Variants in KLRD1 observed in about 807,000 individuals in gnomAD.
KLRD1 encodes the protein killer cell lectin like receptor D1, also known as natural killer cells antigen CD94.
In KLRD1, 21 loss-of-function variants were observed where a neutral mutation model predicts 22.6. The ratio of observed to expected loss-of-function variants is 0.93; its 90% CI spans 0.66 to 1.34. KLRD1 has a LOEUF of 1.34. Among genes scored for constraint, KLRD1 ranks in the 40% most tolerant of loss-of-function variants. KLRD1 has a pLI of 0.00. For synonymous variants in KLRD1, 59 were observed against 71.1 expected (o/e 0.83, Z 0.85); for missense variants, 183 against 208.6 (o/e 0.88, Z 0.76).
chr12:10,268,155 G>C (rs951330571), intron 1 of KLRD1, among the ~76,000 whole-genome samples: 1 of 152,226 alleles, frequency 6.6e-6, no homozygotes, highest in African/African-American at 2.4e-5. Flanking sequence ...AGTAGACAGA[G>C]AGGGAGATTA....
At chr12:10,290,380 A>G (rs1257867446) in intron 1 of KLRD1, among the ~76,000 whole-genome samples, 1 of 152,234 alleles carries the variant, frequency 6.6e-6, no homozygotes, top group African/African-American at 2.4e-5. Flanking sequence ...GAAGCTGGCT[A>G]TTTAATTTAA....
chr12:10,272,071 A>G (rs377403422), intron 1 of KLRD1, among the ~76,000 whole-genome samples: 4 of 152,320 alleles, frequency 2.6e-5, no homozygotes, highest in Admixed American at 6.5e-5. Flanking sequence ...GGGCATTAGC[A>G]TCTGCAGTAA....
chr12:10,285,899 G>A (rs1002059525), intron 1 of KLRD1, among the ~76,000 whole-genome samples: 1 of 152,184 alleles, frequency 6.6e-6, no homozygotes, highest in African/African-American at 2.4e-5. Context: ...CTAGTGATCA[G>A]CCACATCCAT....
chr12:10,302,769 C>T (rs76975516), upstream of KLRD1, among the ~76,000 whole-genome samples: 2,537 of 145,354 alleles, frequency 0.017, 68 homozygotes, highest in African/African-American at 0.063. Context: ...CTGAAAAACA[C>T]CTCAAAAAAA....
At chr12:10,275,887 T>C (rs895279384) in intron 1 of KLRD1, among the ~76,000 whole-genome samples, 1 of 152,174 alleles carries the variant, frequency 6.6e-6, no homozygotes, top group African/African-American at 2.4e-5. Flanking sequence ...AAGATAGATA[T>C]TACCACACCC....
At position 10,325,155 on chromosome 12, in the gene KLRD1, C is replaced by T. The variant is rs1592105141; in HGVS notation, c.*10362C>T. On this transcript the variant is annotated 3_prime_UTR_variant, in exon 6 of 6. Coordinates refer to ENST00000336164, the MANE Select transcript of KLRD1 (RefSeq NM_002262.5). ...TTAGCTGTAGGATTTTCATAAATGA[C>T]CTTTACTAGGTTGAGAAAGTTCCCT... 6.6e-6 allele frequency: 1 copy of T among 151,786 alleles called. No homozygotes were observed. Among genetic ancestry groups the T allele is most frequent in the African/African-American group, 2.4e-5 (1 of 41,338 alleles). 9.4% of individuals were successfully genotyped at this position (151,786 alleles called of 1,614,324 possible).
At chr12:10,249,737 A>G (rs913713930) in intron 1 of KLRD1, among the ~76,000 whole-genome samples, 1 of 152,212 alleles carries the variant, frequency 6.6e-6, no homozygotes, top group African/African-American at 2.4e-5. Flanking sequence ...GAACAAAATA[A>G]TGAATCTCAC....
At chr12:10,308,421 A>G (rs1221603865) in intron 1 of KLRD1, 3 of 284,218 alleles carry the variant, frequency 1.1e-5, no homozygotes, top group Non-Finnish European at 2.0e-5. Context: ...TAATGACACA[A>G]TGCTGAAAAG....
At chr12:10,310,892 C>A (rs750311203) in intron 3 of KLRD1, among the ~76,000 whole-genome samples, 12 of 152,182 alleles carry the variant, frequency 7.9e-5, no homozygotes, top group Non-Finnish European at 1.8e-4. Context: ...CCGTGGGTAA[C>A]AAACGTTGAA....
At chr12:10,249,981 A>G (rs1949329879) in intron 1 of KLRD1, among the ~76,000 whole-genome samples, 1 of 152,160 alleles carries the variant, frequency 6.6e-6, no homozygotes, top group African/African-American at 2.4e-5. Context: ...TGAGGAGTAT[A>G]GTAGTCCTTT....
upstream of KLRD1, among the ~76,000 whole-genome samples, chr12:10,300,308 C>T (rs143008858): frequency 6.6e-6 from 1 of 152,280 alleles, no homozygotes; most frequent in Non-Finnish European, 1.5e-5. Flanking sequence ...AATGACTCCT[C>T]AATTCAAGGG....
chr12:10,242,827 C>T (rs1311141062), intron 1 of KLRD1, among the ~76,000 whole-genome samples: 1 of 152,104 alleles, frequency 6.6e-6, no homozygotes, highest in Non-Finnish European at 1.5e-5. Flanking sequence ...TCCTGTTGTC[C>T]ATTTGCATGT....
intron 1 of KLRD1, among the ~76,000 whole-genome samples, chr12:10,243,028 AC>A (rs1949255580): frequency 1.3e-5 from 2 of 152,166 alleles, no homozygotes; most frequent in Non-Finnish European, 2.9e-5. Flanking sequence ...TAAGCCAAGC[AC>A]AGAAAGACAA....
intron 1 of KLRD1, among the ~76,000 whole-genome samples, chr12:10,239,261 T>C (rs550983269): frequency 1.2e-4 from 18 of 152,246 alleles, no homozygotes; most frequent in African/African-American, 4.1e-4. Context: ...CAAACAAACT[T>C]GTATAATTAA....
In KLRD1 at chr12:10,314,764, C is replaced by T. The variant is rs781608711; in HGVS notation, c.511C>T (p.Arg171Cys). 11 of 1,605,242 alleles carry T rather than the reference C, an allele frequency of 6.9e-6. No homozygotes were observed. The highest frequency in any genetic ancestry group is 6.8e-5 in the Admixed American group (4 of 58,588). The change falls in exon 6 of 6, where the codon CGT (arginine) becomes TGT (cysteine). Residue 171 changes from arginine (R) to cysteine (C), a missense_variant. By Grantham distance (180) the Arg-to-Cys change is radical. Coordinates refer to ENST00000336164, the MANE Select transcript of KLRD1 (RefSeq NM_002262.5). ...ALDESCEDKN[R>C]YICKQQLI ...AGATGAATCCTGTGAAGATAAAAAT[C>T]GTTATATCTGTAAGCAACAGCTCAT...
intron 1 of KLRD1, among the ~76,000 whole-genome samples, chr12:10,257,147 T>TC (rs1458126981): frequency 5.9e-4 from 88 of 150,136 alleles, no homozygotes; most frequent in Non-Finnish European, 9.8e-4. Context: ...TTCTTTTTTT[T>TC]TTTTTTTTTT....
chr12:10,314,922 A>G lies in KLRD1; in HGVS notation c.*129A>G. 1.2e-6 allele frequency: 1 copy of G among 818,186 alleles called. No homozygotes were observed. Among genetic ancestry groups the G allele is most frequent in the Non-Finnish European group, 1.9e-6 (1 of 533,570 alleles). 50.7% of individuals were successfully genotyped at this position (818,186 alleles called of 1,614,324 possible). A position where few individuals can be genotyped will look rare whatever the true frequency, so the allele number is the denominator to read the frequency against. ...AAAATGTTTTTAAACAGTGTCATATACAATTGTCATGTATGTGAAACAATG... is the reference window on the plus strand; with the variant it reads ...AAAATGTTTTTAAACAGTGTCATATGCAATTGTCATGTATGTGAAACAATG... On this transcript the variant is annotated 3_prime_UTR_variant, in exon 6 of 6. Coordinates refer to ENST00000336164, the MANE Select transcript of KLRD1 (RefSeq NM_002262.5).
At chr12:10,264,001 CCTAT>C (rs1949477791) in intron 1 of KLRD1, among the ~76,000 whole-genome samples, 1 of 152,036 alleles carries the variant, frequency 6.6e-6, no homozygotes, top group Non-Finnish European at 1.5e-5. Context: ...CAACCACTTC[CCTAT>C]CTTTTTCAAA....
rs1038907508 is a variant in KLRD1 at position 10,266,124 on chromosome 12, C to T, written c.-101+39891C>T. Among the ~76,000 whole-genome samples the T allele has an allele frequency of 2.0e-5, 3 of 152,082 alleles. No individual in the cohort carries two copies. In the East Asian group the frequency reaches 5.8e-4, roughly 29 times the overall value. ...AGATTATTGATTGCTTCCATACTAA[C>T]CCTTGCTTCCACATTAATAGATTAT... On this transcript the variant is annotated intron_variant, in intron 1 of 5. Transcript: ENST00000544747.
Sources: allele counts gnomAD v4.1 joint callset (sites outside exome capture counted in the v4.1 genomes callset), GRCh38; gene constraint gnomAD v4.1.1; transcripts MANE v1.5; gene names NCBI Gene and HGNC (gene_info 2026-07-23, HGNC 2026-07-21).